Variants in NARS2 observed in about 807,000 individuals in gnomAD.
NARS2 encodes the protein asparaginyl-tRNA synthetase.
A neutral mutation model predicts 62.9 loss-of-function variants in NARS2; 60 were observed. That is an observed-to-expected ratio of 0.95 (90% CI 0.77 to 1.18). The LOEUF (loss-of-function observed/expected upper bound fraction) is 1.18, where lower values mean the gene tolerates loss of function less well. Ranked by LOEUF, NARS2 falls within the 50% of genes most tolerant of loss-of-function variation. The pLI, the probability that NARS2 is intolerant of heterozygous loss-of-function variation, is 0.00. For missense variants in NARS2, 619 were observed against 576.4 expected, an observed-to-expected ratio of 1.07 and a Z score of -0.76; for synonymous variants, 196 against 200.0, an observed-to-expected ratio of 0.98 and a Z score of 0.17.
chr11:78,549,329 T>C (rs1203858162), intron 5 of NARS2, among the ~76,000 whole-genome samples: 3 of 152,192 alleles, frequency 2.0e-5, no homozygotes, highest in Non-Finnish European at 4.4e-5. Context: ...CATTGTCCCT[T>C]CCGCCAGCAC....
intron 5 of NARS2, among the ~76,000 whole-genome samples, chr11:78,540,237 C>T (rs543074311): frequency 2.6e-5 from 4 of 152,308 alleles, no homozygotes; most frequent in Non-Finnish European, 4.4e-5. Context: ...TCTTACCACA[C>T]GGATCTAAAA....
chr11:78,511,387 T>C (rs1860715029), intron 6 of NARS2, among the ~76,000 whole-genome samples: 1 of 152,164 alleles, frequency 6.6e-6, no homozygotes, highest in South Asian at 2.1e-4. Flanking sequence ...CCTAATTCTA[T>C]ATCTTGATCA....
intron 9 of NARS2, among the ~76,000 whole-genome samples, chr11:78,474,178 T>C (rs759393429): frequency 2.6e-5 from 4 of 152,246 alleles, no homozygotes; most frequent in Non-Finnish European, 5.9e-5. Flanking sequence ...GTCTGACATA[T>C]TGCTTTTAAC....
chr11:78,562,225 A>G (rs753775685), intron 4 of NARS2, among the ~76,000 whole-genome samples: 15 of 152,096 alleles, frequency 9.9e-5, no homozygotes, highest in Non-Finnish European at 2.1e-4. Flanking sequence ...GGAGTTCAAG[A>G]CCAGCTTAGG....
intron 1 of NARS2, among the ~76,000 whole-genome samples, chr11:78,572,864 C>G (rs1856980400): frequency 6.6e-6 from 1 of 152,076 alleles, no homozygotes; most frequent in Non-Finnish European, 1.5e-5. Flanking sequence ...CTTTTTGGTT[C>G]TTCAAAATTG....
intron 6 of NARS2, among the ~76,000 whole-genome samples, chr11:78,526,289 G>T (rs917246035): frequency 7.9e-5 from 12 of 152,054 alleles, no homozygotes; most frequent in Admixed American, 7.9e-4. Flanking sequence ...TTTAAAAAAA[G>T]CTTTAAAATG....
At chr11:78,488,103 A>C (rs759312965) in intron 7 of NARS2, among the ~76,000 whole-genome samples, 1 of 152,180 alleles carries the variant, frequency 6.6e-6, no homozygotes, top group Non-Finnish European at 1.5e-5. Context: ...ATGGTGATTG[A>C]GAGCAAAAAT....
At chr11:78,464,595 T>C (rs1858536677) in intron 11 of NARS2, among the ~76,000 whole-genome samples, 1 of 152,010 alleles carries the variant, frequency 6.6e-6, no homozygotes, top group Non-Finnish European at 1.5e-5. Flanking sequence ...TGTCCACTGG[T>C]GCATTCACAA....
chr11:78,498,260 T>C (rs1860139880), intron 6 of NARS2, among the ~76,000 whole-genome samples: 1 of 152,034 alleles, frequency 6.6e-6, no homozygotes, highest in Non-Finnish European at 1.5e-5. Context: ...TTTTATTTGA[T>C]ACACCTTGAA....
chr11:78,496,180 A>G (rs1196707151), intron 6 of NARS2, among the ~76,000 whole-genome samples: 1 of 152,228 alleles, frequency 6.6e-6, no homozygotes, highest in Non-Finnish European at 1.5e-5. Flanking sequence ...TGCGTAAGAA[A>G]GCATCTAATC....
rs756323353 is a variant in NARS2 at position 78,469,298 on chromosome 11, T to A, written c.975A>T (p.Glu325Asp). ...KNNFLIISYT[E>D]AVEILKQASQ... is the part of the protein sequence containing the mutation. ...ATGCTTGCTTTAAGATCTCCACTGC[T>A]TCAGTATAAGAAATGCTGGAGGAAA... The change falls in exon 10 of 14, where the codon GAA (glutamate) becomes GAT (aspartate). Residue 325 changes from glutamate to aspartate, a missense_variant. By Grantham distance (45) the Glu-to-Asp change is conservative (BLOSUM62 2). Coordinates refer to ENST00000281038, the MANE Select transcript of NARS2 (RefSeq NM_024678.6). 1.2e-6 allele frequency: 2 copies of A among 1,613,302 alleles called. No homozygotes were observed. Among genetic ancestry groups the A allele is most frequent in the Admixed American group, 3.3e-5 (2 of 60,010 alleles).
At position 78,568,734 on chromosome 11, in the gene NARS2, A is replaced by G; in HGVS notation, c.270T>C (p.Ser90=). The G allele has an allele frequency of 6.2e-7, 1 of 1,608,600 alleles. No individual in the cohort carries two copies. The highest frequency in any genetic ancestry group is 8.5e-7 in the Non-Finnish European group (1 of 1,176,268). ...TCAGCTGCCCTTGTACTTCCACAGA[A>G]CTCCCAAAATTTAATTCTCTATAGT... The part of the protein sequence containing the change: ...GLDSRELNFG[S]SVEVQGQLIK... The change falls in exon 3 of 14, where the codon AGT becomes AGC. Residue 90 remains serine (S), a synonymous_variant. Coordinates refer to ENST00000281038, the MANE Select transcript of NARS2 (RefSeq NM_024678.6).
intron 9 of NARS2, among the ~76,000 whole-genome samples, chr11:78,474,356 T>A (rs1858997597): frequency 6.6e-6 from 1 of 152,128 alleles, no homozygotes; most frequent in Non-Finnish European, 1.5e-5. Flanking sequence ...GATTTTCAAC[T>A]CCATAAAAAA....
At chr11:78,533,469 G>A (rs1490231561) in intron 5 of NARS2, among the ~76,000 whole-genome samples, 1 of 152,164 alleles carries the variant, frequency 6.6e-6, no homozygotes. Flanking sequence ...TCTTTGAAAA[G>A]AGGAAGTGAA....
chr11:78,552,285 A>G (rs4482052), intron 5 of NARS2, among the ~76,000 whole-genome samples: 104,394 of 152,036 alleles, frequency 0.69, 37,640 homozygotes, highest in Non-Finnish European at 0.81. Flanking sequence ...TAAGGATGAT[A>G]GCCTCCAGTT....
chr11:78,527,505 T>C (rs1182203889), intron 6 of NARS2, among the ~76,000 whole-genome samples: 1 of 152,214 alleles, frequency 6.6e-6, no homozygotes, highest in African/African-American at 2.4e-5. Flanking sequence ...AACTATCAAA[T>C]AACATATTTT....
rs192759298 is a variant in NARS2, at chr11:78,465,844, C to T, written c.1164+32G>A. ...AAATGAAAAACCCAACCTAAGAGGA[C>T]TAACCCCAATTTATTTAGTATCTCT... is the stretch of plus-strand genomic sequence containing the variant. On this transcript the variant is annotated intron_variant, in intron 11 of 13. Transcript: ENST00000281038. 1.8e-3 allele frequency: 2,910 copies of T among 1,612,876 alleles called. 7 individuals carry two copies. Among genetic ancestry groups the T allele is most frequent in the Middle Eastern group, 9.6e-3 (58 of 6,052 alleles).
rs1055661236 is a variant in NARS2 at position 78,441,113 on chromosome 11, C to T, written c.1267G>A (p.Gly423Arg). 28 of 1,611,638 alleles carry T rather than the reference C, an allele frequency of 1.7e-5. No homozygotes were observed. The highest frequency in any genetic ancestry group is 2.2e-5 in the Non-Finnish European group (26 of 1,178,872). Residue 423 changes from glycine to arginine, a missense_variant, in exon 13 of 14, where the codon GGA becomes AGA. By Grantham distance (125) the Gly-to-Arg change is moderately radical. Transcript: ENST00000281038. ...HFLEERLARS[G>R]LTEVYQWYLD... ...TACCATTGGTAGACTTCTGTAAGTCCCGATCTGTTTAAAGGAAAATAAAAT... is the reference window on the plus strand; with the variant it reads ...TACCATTGGTAGACTTCTGTAAGTCTCGATCTGTTTAAAGGAAAATAAAAT...
intron 6 of NARS2, among the ~76,000 whole-genome samples, chr11:78,514,389 T>C (rs1456038003): frequency 6.6e-6 from 1 of 152,146 alleles, no homozygotes; most frequent in Non-Finnish European, 1.5e-5. Flanking sequence ...TCCCAAAGTG[T>C]GGGATATCAG....
Sources: allele counts gnomAD v4.1 joint callset (sites outside exome capture counted in the v4.1 genomes callset), GRCh38; gene constraint gnomAD v4.1.1; transcripts MANE v1.5; gene names NCBI Gene and HGNC (gene_info 2026-07-23, HGNC 2026-07-21).